ADGRL3: variants seen among roughly 807,000 people sequenced by gnomAD.
The protein encoded by ADGRL3 is adhesion G protein-coupled receptor L3, also known as calcium-independent alpha-latrotoxin receptor 3.
A neutral mutation model predicts 153.5 loss-of-function variants in ADGRL3; 62 were observed. That is an observed-to-expected ratio of 0.40 (90% CI 0.33 to 0.50). The LOEUF (loss-of-function observed/expected upper bound fraction) is 0.50, where lower values mean the gene tolerates loss of function less well. Ranked by LOEUF, ADGRL3 falls within the 20% of genes least tolerant of loss-of-function variation. ADGRL3 has a pLI of 0.47. For synonymous variants in ADGRL3, 710 were observed against 672.5 expected (o/e 1.06, Z -0.86); for missense variants, 1,641 against 1,859.4 (o/e 0.88, Z 2.16).
At chr4:61,485,352 T>G (rs1442773235) in intron 2 of ADGRL3, among the ~76,000 whole-genome samples, 1 of 152,208 alleles carries the variant, frequency 6.6e-6, no homozygotes, top group African/African-American at 2.4e-5. Flanking sequence ...ACAGATATCC[T>G]TTTTATGTAA....
chr4:61,448,883 G>A lies in ADGRL3; in HGVS notation c.-173-48238G>A, dbSNP rs545367888. Reference sequence around the variant, plus strand: ...GAGGGAAGGAAGGAAGGAAAGGAAGGAAGGAAGAAGGGAGGGAGGGAGGGG... The same window carrying A: ...GAGGGAAGGAAGGAAGGAAAGGAAGAAAGGAAGAAGGGAGGGAGGGAGGGG... On this transcript the variant is annotated intron_variant, in intron 2 of 26. Coordinates refer to ENST00000683033, the MANE Select transcript of ADGRL3 (RefSeq NM_001387552.1). 8.3e-3 allele frequency among the ~76,000 whole-genome samples: 859 copies of A among 103,032 alleles called. 15 individuals are homozygous for A. Among genetic ancestry groups the A allele is most frequent in the African/African-American group, 0.029 (825 of 28,112 alleles). 67.6% of individuals were successfully genotyped at this position (103,032 alleles called of 152,430 possible). A position where few individuals can be genotyped will look rare whatever the true frequency, so the allele number is the denominator to read the frequency against.
At chr4:62,029,257 G>C (rs28578649) in intron 22 of ADGRL3, among the ~76,000 whole-genome samples, 4,246 of 151,588 alleles carry the variant, frequency 0.028, 206 homozygotes, top group African/African-American at 0.099. Flanking sequence ...TAAAATTATT[G>C]TGTCATTTAC....
intron 21 of ADGRL3, among the ~76,000 whole-genome samples, chr4:61,999,416 G>A (rs1245124991): frequency 1.3e-5 from 2 of 152,026 alleles, no homozygotes; most frequent in East Asian, 1.9e-4. Flanking sequence ...AAAAATTATC[G>A]TGTTTCTTTG....
chr4:61,388,745 T>C (rs1221969172), intron 2 of ADGRL3, among the ~76,000 whole-genome samples: 1 of 152,198 alleles, frequency 6.6e-6, no homozygotes, highest in African/African-American at 2.4e-5. Context: ...CCTGGCTTCA[T>C]TGCTGCGTGT....
chr4:61,947,148 T>C, intron 16 of ADGRL3, 26 bp downstream of exon 16: 1 of 1,545,150 alleles, frequency 6.5e-7, no homozygotes, highest in Non-Finnish European at 8.9e-7. Context: ...ATTAGCTTGG[T>C]TGTTCATATT....
intron 11 of ADGRL3, among the ~76,000 whole-genome samples, chr4:61,900,677 A>T (rs2098659487): frequency 6.6e-6 from 1 of 152,182 alleles, no homozygotes; most frequent in Admixed American, 6.5e-5. Context: ...AGGTGGGTGG[A>T]TGGAAGTCTT....
chr4:61,682,563 A>T (rs199857354), intron 6 of ADGRL3, among the ~76,000 whole-genome samples: 4,377 of 136,288 alleles, frequency 0.032, 133 homozygotes, highest in East Asian at 0.18. Flanking sequence ...CTTTAAAAAA[A>T]TTTTTTTTTT....
chr4:61,863,259 A>G (rs1319014972), intron 9 of ADGRL3, among the ~76,000 whole-genome samples: 2 of 78,282 alleles, frequency 2.6e-5, no homozygotes, highest in African/African-American at 1.2e-4. Flanking sequence ...TTTTTTTGAG[A>G]CGGAGTCTCG....
chr4:61,461,092 A>G (rs1321730537), intron 2 of ADGRL3, among the ~76,000 whole-genome samples: 1 of 151,920 alleles, frequency 6.6e-6, no homozygotes, highest in Non-Finnish European at 1.5e-5. Context: ...AAACAAAACA[A>G]AGCCATCACA....
At chr4:61,646,321 C>G (rs942766234) in intron 5 of ADGRL3, among the ~76,000 whole-genome samples, 1 of 152,130 alleles carries the variant, frequency 6.6e-6, no homozygotes, top group African/African-American at 2.4e-5. Flanking sequence ...TGTTTCGTTG[C>G]TGGTGAGGAA....
intron 5 of ADGRL3, among the ~76,000 whole-genome samples, chr4:61,589,946 A>G (rs1431917585): frequency 6.6e-6 from 1 of 152,114 alleles, no homozygotes; most frequent in Non-Finnish European, 1.5e-5. Flanking sequence ...TAGAGAAGCC[A>G]CTTTCTTCAT....
intron 5 of ADGRL3, among the ~76,000 whole-genome samples, chr4:61,653,292 T>G (rs2094333596): frequency 6.6e-6 from 1 of 152,028 alleles, no homozygotes; most frequent in African/African-American, 2.4e-5. Flanking sequence ...TGCTGGGCCT[T>G]GCACTGGGAC....
At chr4:61,529,137 TCTTA>T (rs2098596451) in intron 4 of ADGRL3, among the ~76,000 whole-genome samples, 1 of 152,154 alleles carries the variant, frequency 6.6e-6, no homozygotes, top group African/African-American at 2.4e-5. Context: ...TAAGTGACAG[TCTTA>T]CTTGTTCCAT....
chr4:61,468,762 T>C (rs1352660366), intron 2 of ADGRL3, among the ~76,000 whole-genome samples: 3 of 151,934 alleles, frequency 2.0e-5, no homozygotes, highest in Non-Finnish European at 4.4e-5. Context: ...AGAGAGTGAA[T>C]GTTGTTTATC....
chr4:62,068,673 A>G (rs763882281), intron 26 of ADGRL3, among the ~76,000 whole-genome samples: 13 of 152,138 alleles, frequency 8.5e-5, no homozygotes, highest in Non-Finnish European at 1.2e-4. Flanking sequence ...CACCCATCAC[A>G]TACAGCCCTT....
At chr4:61,787,789 C>A (rs1196645464) in intron 8 of ADGRL3, among the ~76,000 whole-genome samples, 1 of 151,876 alleles carries the variant, frequency 6.6e-6, no homozygotes, top group Non-Finnish European at 1.5e-5. Flanking sequence ...ATGACAGATT[C>A]ATATAAATTC....
At chr4:61,685,129 G>A (rs1273430940) in intron 6 of ADGRL3, among the ~76,000 whole-genome samples, 1 of 151,892 alleles carries the variant, frequency 6.6e-6, no homozygotes, top group African/African-American at 2.4e-5. Context: ...TGTTGCCCAG[G>A]TTGGTCTCAA....
intron 21 of ADGRL3, among the ~76,000 whole-genome samples, chr4:62,019,562 T>C (rs2099228399): frequency 6.6e-6 from 1 of 152,152 alleles, no homozygotes; most frequent in African/African-American, 2.4e-5. Flanking sequence ...TTTTTCTCAT[T>C]GACTTTTTTA....
At chr4:61,462,348 G>A (rs1015932082) in intron 2 of ADGRL3, among the ~76,000 whole-genome samples, 2 of 152,132 alleles carry the variant, frequency 1.3e-5, no homozygotes, top group African/African-American at 4.8e-5. Context: ...TCGAGTCACA[G>A]CAGAACTTTA....
Sources: allele counts gnomAD v4.1 joint callset (sites outside exome capture counted in the v4.1 genomes callset), GRCh38; gene constraint gnomAD v4.1.1; transcripts MANE v1.5; gene names NCBI Gene and HGNC (gene_info 2026-07-23, HGNC 2026-07-21).